The following CHRNA5 variants were observed in gnomAD, a reference collection of about 807,000 sequenced individuals.
CHRNA5 encodes neuronal acetylcholine receptor subunit alpha-5.
A neutral mutation model predicts 41.2 loss-of-function variants in CHRNA5; 28 were observed. That is an observed-to-expected ratio of 0.68 (90% CI 0.50 to 0.93). The LOEUF (loss-of-function observed/expected upper bound fraction) is 0.93. CHRNA5 is among the 40% of genes least tolerant of loss of function. The probability of loss-of-function intolerance (pLI) is 0.00; values close to 1 mark genes in which losing one functional copy is unlikely to be tolerated. For missense variants in CHRNA5, 481 were observed against 581.9 expected (o/e 0.83, Z 1.78); for synonymous variants, 188 against 205.8 (o/e 0.91, Z 0.74).
chr15:78,580,188 A>G (rs953122041), intron 1 of CHRNA5, among the ~76,000 whole-genome samples: 4 of 142,374 alleles, frequency 2.8e-5, no homozygotes, highest in African/African-American at 1.0e-4. Context: ...GCTGAGGTGG[A>G]GAATTGCTTG....
chr15:78,571,578 CTT>C (rs34248937), intron 1 of CHRNA5, among the ~76,000 whole-genome samples: 2,716 of 116,544 alleles, frequency 0.023, 35 homozygotes, highest in African/African-American at 0.065. Context: ...GATGCTCTGC[CTT>C]TTTTTTTTTT....
intron 1 of CHRNA5, among the ~76,000 whole-genome samples, chr15:78,577,088 A>G (rs943855717): frequency 2.0e-5 from 3 of 152,328 alleles, no homozygotes; most frequent in East Asian, 1.9e-4. Context: ...GTAAACATCA[A>G]TGTGGGCTAG....
exon 1 of CHRNA5, chr15:78,565,807 G>T (rs982494622): frequency 1.5e-5 from 18 of 1,222,614 alleles, no homozygotes; most frequent in Non-Finnish European, 1.7e-5. Context: ...AGCGGGCGCG[G>T]CGGGCGGCGC....
At chr15:78,586,720 A>G (rs372734191) in intron 3 of CHRNA5, 31 bp downstream of exon 3, 8 of 1,514,896 alleles carry the variant, frequency 5.3e-6, no homozygotes, top group South Asian at 3.5e-5. Flanking sequence ...CGGGCACCCA[A>G]TTAGTGACTG....
chr15:78,572,642 C>T (rs2052816281), intron 1 of CHRNA5, among the ~76,000 whole-genome samples: 1 of 151,972 alleles, frequency 6.6e-6, no homozygotes, highest in South Asian at 2.1e-4. Context: ...CACCACCACG[C>T]CTGGCTAATT....
chr15:78,587,657 T>A (rs1445879720), intron 3 of CHRNA5, among the ~76,000 whole-genome samples: 2 of 124,060 alleles, frequency 1.6e-5, no homozygotes, highest in African/African-American at 7.3e-5. Flanking sequence ...TGGGCAAGAA[T>A]GAAATGAATT....
At chr15:78,586,019 C>T (rs1213114761) in intron 2 of CHRNA5, among the ~76,000 whole-genome samples, 1 of 151,938 alleles carries the variant, frequency 6.6e-6, no homozygotes, top group Non-Finnish European at 1.5e-5. Flanking sequence ...GTCTCAAACT[C>T]CTGCCCTCAA....
At chr15:78,568,993 CAG>C (rs1457510933) in intron 1 of CHRNA5, among the ~76,000 whole-genome samples, 2 of 152,098 alleles carry the variant, frequency 1.3e-5, no homozygotes, top group Non-Finnish European at 2.9e-5. Flanking sequence ...CAGAAGCTAA[CAG>C]AAATACACAC....
intron 1 of CHRNA5, among the ~76,000 whole-genome samples, chr15:78,572,909 C>G (rs181923667): frequency 9.2e-5 from 14 of 152,176 alleles, no homozygotes; most frequent in Admixed American, 5.2e-4. Flanking sequence ...GGAAGGAAGG[C>G]GAAGGAGAGG....
chr15:78,583,538 C>T (rs1288451698), intron 2 of CHRNA5, among the ~76,000 whole-genome samples: 1 of 151,744 alleles, frequency 6.6e-6, no homozygotes, highest in Non-Finnish European at 1.5e-5. Flanking sequence ...CTAAAAAATA[C>T]AAAAAAATTA....
intron 1 of CHRNA5, among the ~76,000 whole-genome samples, chr15:78,570,146 A>G (rs909335521): frequency 2.0e-5 from 3 of 152,176 alleles, no homozygotes; most frequent in Non-Finnish European, 2.9e-5. Flanking sequence ...TAATGACAAT[A>G]TGATAGAAAG....
intron 2 of CHRNA5, among the ~76,000 whole-genome samples, chr15:78,583,127 T>A (rs962431288): frequency 6.6e-6 from 1 of 152,174 alleles, no homozygotes; most frequent in Admixed American, 6.5e-5. Context: ...CTTTATTCCT[T>A]GTATCTGTCC....
At chr15:78,589,900 G>T (rs763840987) in exon 5 of CHRNA5, 43 of 1,614,084 alleles carry the variant, frequency 2.7e-5, no homozygotes, top group Non-Finnish European at 3.6e-5. Flanking sequence ...AAAAGTTCCT[G>T]TACCATAGAT....
At chr15:78,573,854 A>T (rs1164347260) in intron 1 of CHRNA5, among the ~76,000 whole-genome samples, 1 of 150,960 alleles carries the variant, frequency 6.6e-6, no homozygotes, top group Non-Finnish European at 1.5e-5. Context: ...GCAGTGGCAC[A>T]ATCTCGGCTC....
intron 2 of CHRNA5, among the ~76,000 whole-genome samples, chr15:78,583,993 A>G (rs1266323728): frequency 6.6e-6 from 1 of 152,126 alleles, no homozygotes; most frequent in Admixed American, 6.5e-5. Flanking sequence ...CTGATCCTTG[A>G]GGAACATTTG....
intron 2 of CHRNA5, among the ~76,000 whole-genome samples, chr15:78,586,399 T>C (rs1383446387): frequency 6.6e-6 from 1 of 152,208 alleles, no homozygotes; most frequent in East Asian, 1.9e-4. Context: ...AGATGATTAA[T>C]GTTAAATGCA....
chr15:78,588,497 T>C lies in CHRNA5; in HGVS notation c.413+74T>C. ...GTATTTCTATTAGGCACTAATAATT[T>C]TTCTCCCTTTTGAAATTGTTTAGGT... On this transcript the variant is annotated intron_variant, in intron 4 of 5. Transcript: ENST00000299565. This position sits in a 1 kb window ranked among gnomAD's most constrained non-coding sequence, Gnocchi z 4.1. The C allele has an allele frequency of 3.0e-6, 2 of 675,172 alleles. No homozygotes were observed. The highest frequency in any genetic ancestry group is 4.6e-6 in the Non-Finnish European group (2 of 437,608). 41.8% of individuals were successfully genotyped at this position (675,172 alleles called of 1,614,324 possible).
exon 1 of CHRNA5, chr15:78,565,691 T>C: frequency 1.0e-6 from 1 of 986,708 alleles, no homozygotes; most frequent in Non-Finnish European, 1.3e-6. Flanking sequence ...GAGAGGCGGC[T>C]GCCCGCGGTC....
chr15:78,586,751 T>C (rs1223559251), intron 3 of CHRNA5, 62 bp downstream of exon 3: 2 of 1,123,558 alleles, frequency 1.8e-6, no homozygotes, highest in East Asian at 2.4e-5. Context: ...TTTTATTATA[T>C]GTATTGTAGC....
Sources: gnomAD v4.1 joint callset for allele counts (sites outside exome capture counted in the v4.1 genomes callset) on GRCh38, gnomAD v4.1.1 for gene constraint, Gnocchi (gnomAD v3.1) non-coding constraint, MANE v1.5 for transcripts, NCBI Gene and HGNC (gene_info 2026-07-23, HGNC 2026-07-21) for gene names.